Variants in NFU1 observed in about 807,000 individuals in gnomAD.
NFU1 encodes NFU1 iron-sulfur cluster scaffold homolog, mitochondrial.
Under a neutral mutation model 32.2 loss-of-function variants are expected in NFU1, and 30 were observed. That is an observed-to-expected ratio of 0.93 (90% CI 0.70 to 1.26). The LOEUF (loss-of-function observed/expected upper bound fraction) is 1.26, where lower values mean the gene tolerates loss of function less well. Ranked by LOEUF, NFU1 falls within the 50% of genes most tolerant of loss-of-function variation. The pLI is 0.00. For missense variants in NFU1, 306 were observed against 306.6 expected (o/e 1.00, Z 0.02); for synonymous variants, 112 against 104.6 (o/e 1.07, Z -0.43).
At chr2:69,432,158 C>T (rs1574153611) in intron 1 of NFU1, among the ~76,000 whole-genome samples, 153 bp from the exon 2 acceptor site, 1 of 152,232 alleles carries the variant, frequency 6.6e-6, no homozygotes, top group East Asian at 1.9e-4. Flanking sequence ...CTTCCATCTA[C>T]ATTATTTCCA....
intron 3 of NFU1, among the ~76,000 whole-genome samples, chr2:69,422,799 T>G (rs1673290410): frequency 6.6e-6 from 1 of 152,102 alleles, no homozygotes. Context: ...CATAGTTTCC[T>G]TAACCTCCTG....
chr2:69,401,133 A>C (rs559589938), intron 6 of NFU1, among the ~76,000 whole-genome samples: 113 of 152,296 alleles, frequency 7.4e-4, no homozygotes, highest in Non-Finnish European at 1.4e-3. Flanking sequence ...TTAATACAGA[A>C]AAATGCTTAA....
At chr2:69,399,330 A>C (rs756296322) in intron 7 of NFU1, 6 of 453,020 alleles carry the variant, frequency 1.3e-5, no homozygotes, top group South Asian at 9.4e-5. Context: ...TTTGGTTGAG[A>C]ATCACTGCAG....
Position 69,396,172 on chromosome 2 carries a change from C to G in NFU1, c.*74G>C. ...TTTTATTAATCTTCAAGTTCCTCAG[C>G]ATATTAATAATAAAAACTTGATATA... On this transcript the variant is annotated 3_prime_UTR_variant, in exon 8 of 8. Transcript: ENST00000410022. The G allele has an allele frequency of 1.8e-6, 2 of 1,138,958 alleles. No homozygotes were observed. The highest frequency in any genetic ancestry group is 2.6e-6 in the Non-Finnish European group (2 of 761,176). The allele number at this position is 1,138,958 out of a possible 1,614,324, so 70.6% of individuals were successfully genotyped here.
At chr2:69,420,592 T>C (rs1455190533) in intron 3 of NFU1, among the ~76,000 whole-genome samples, 1 of 152,234 alleles carries the variant, frequency 6.6e-6, no homozygotes, top group Non-Finnish European at 1.5e-5. Context: ...AGTATCATAT[T>C]GGACTCACTG....
chr2:69,396,321 A>AT (rs762203389), intron 7 of NFU1, 31 bp from the exon 8 acceptor site: 1 of 1,525,242 alleles, frequency 6.6e-7, no homozygotes, highest in Admixed American at 1.8e-5. Context: ...CAATTTAAGA[A>AT]TTAAGAAAAT....
intron 2 of NFU1, 28 bp downstream of exon 2, chr2:69,431,874 A>G (rs1410023291): frequency 7.5e-7 from 1 of 1,339,834 alleles, no homozygotes; most frequent in East Asian, 2.3e-5. Flanking sequence ...TCTGAAACAC[A>G]ACTGCTATAA....
intron 2 of NFU1, among the ~76,000 whole-genome samples, chr2:69,428,220 T>G (rs1673529379): frequency 1.3e-5 from 2 of 151,700 alleles, no homozygotes; most frequent in Admixed American, 6.6e-5. Context: ...AGGTCAGGAG[T>G]TCGAGAACAG....
intron 6 of NFU1, among the ~76,000 whole-genome samples, chr2:69,401,350 T>G (rs1030827414): frequency 5.9e-5 from 9 of 152,202 alleles, no homozygotes; most frequent in African/African-American, 1.9e-4. Context: ...CAAATATAAA[T>G]TCTATTTATA....
intron 5 of NFU1, 98 bp from the exon 6 acceptor site, chr2:69,406,180 A>T: frequency 2.7e-6 from 2 of 735,304 alleles, no homozygotes; most frequent in Non-Finnish European, 4.8e-6. Context: ...ATGGTTCATT[A>T]AAAACATAAA....
intron 5 of NFU1, among the ~76,000 whole-genome samples, chr2:69,414,551 G>A (rs1029276724): frequency 9.3e-5 from 14 of 150,716 alleles, no homozygotes; most frequent in African/African-American, 3.2e-4. Context: ...CTGGGAGGTG[G>A]GGGTTGCAGT....
Position 69,396,308 on chromosome 2 carries a change from A to G in NFU1, c.721-18T>C. ...TCCATAACCTAAAACCAAAAAACAA[A>G]GACAATTTAAGAATTAAGAAAATGA... On this transcript the variant is annotated intron_variant, in intron 7 of 7. Transcript: ENST00000410022. The G allele has an allele frequency of 2.6e-6, 4 of 1,561,204 alleles. No homozygotes were observed. The highest frequency in any genetic ancestry group is 3.5e-6 in the Non-Finnish European group (4 of 1,143,050).
intron 3 of NFU1, among the ~76,000 whole-genome samples, chr2:69,421,852 G>T (rs150433932): frequency 6.6e-6 from 1 of 151,816 alleles, no homozygotes; most frequent in African/African-American, 2.4e-5. Context: ...ATGAGCCACC[G>T]CACCTGGCCC....
intron 5 of NFU1, among the ~76,000 whole-genome samples, chr2:69,413,065 C>T (rs538799995): frequency 3.3e-5 from 5 of 151,216 alleles, no homozygotes; most frequent in African/African-American, 1.2e-4. Flanking sequence ...GAGGCTGAGG[C>T]AGATGGATCA....
intron 5 of NFU1, among the ~76,000 whole-genome samples, chr2:69,406,865 G>A (rs1243583618): frequency 1.3e-5 from 2 of 152,108 alleles, no homozygotes; most frequent in Non-Finnish European, 2.9e-5. Flanking sequence ...GGAGCTGGTG[G>A]GAGGTAACTG....
chr2:69,406,618 C>T (rs1047947390), intron 5 of NFU1, among the ~76,000 whole-genome samples: 7 of 152,088 alleles, frequency 4.6e-5, no homozygotes, highest in Non-Finnish European at 7.4e-5. Flanking sequence ...TTGCCCAGTG[C>T]GGAGTGCAGT....
chr2:69,435,042 T>C (rs919870607), intron 1 of NFU1, among the ~76,000 whole-genome samples: 2 of 152,198 alleles, frequency 1.3e-5, no homozygotes, highest in African/African-American at 4.8e-5. Context: ...GCAGGAGTAA[T>C]TGGGGAAGTT....
intron 2 of NFU1, among the ~76,000 whole-genome samples, chr2:69,425,458 G>A (rs1427255852): frequency 6.6e-6 from 1 of 150,634 alleles, no homozygotes; most frequent in East Asian, 2.0e-4. Context: ...AAGTTCAAGT[G>A]ATTCTCCTGC....
At chr2:69,400,208 A>G (rs1672474724) in intron 7 of NFU1, 156 bp downstream of exon 7, 1 of 692,198 alleles carries the variant, frequency 1.4e-6, no homozygotes, top group South Asian at 1.8e-5. Context: ...TTCAAGTCTG[A>G]TAAAAATTGC....
Sources: allele counts gnomAD v4.1 joint callset (sites outside exome capture counted in the v4.1 genomes callset), GRCh38; gene constraint gnomAD v4.1.1; transcripts MANE v1.5; gene names NCBI Gene and HGNC (gene_info 2026-07-23, HGNC 2026-07-21).